SPATC1: variants seen among roughly 807,000 people sequenced by gnomAD.
The protein encoded by SPATC1 is speriolin.
Under a neutral mutation model 36.5 loss-of-function variants are expected in SPATC1, and 35 were observed. The observed-to-expected ratio is 0.96, with a 90% CI of 0.73 to 1.27. The LOEUF (loss-of-function observed/expected upper bound fraction) is 1.27. Among genes scored for constraint, SPATC1 ranks in the 50% most tolerant of loss-of-function variants. The pLI is 0.00. For missense variants in SPATC1, 779 were observed against 796.0 expected (o/e 0.98, Z 0.26); for synonymous variants, 361 against 353.6 (o/e 1.02, Z -0.24).
Position 144,047,093 on chromosome 8 carries a change from G to A in SPATC1, c.*137G>A. On this transcript the variant is annotated 3_prime_UTR_variant, in exon 5 of 5. Transcript: ENST00000377470. The surrounding 1 kb of genome is among the most constrained non-coding windows in gnomAD (Gnocchi z 4.1). ...TGCCTCCTCTGGGGTGGCTCACCGG[G>A]CCCCGGCACCGTGCCCCTTCAGCCC... 2 of 1,056,014 alleles carry A rather than the reference G, an allele frequency of 1.9e-6. No individual in the cohort carries two copies. The highest frequency in any genetic ancestry group is 2.6e-5 in the East Asian group (1 of 38,448). The allele number at this position is 1,056,014 out of a possible 1,614,324, so 65.4% of individuals were successfully genotyped here.
intron 1 of SPATC1, among the ~76,000 whole-genome samples, chr8:144,032,320 C>G (rs1352353504): frequency 2.0e-5 from 3 of 151,974 alleles, no homozygotes; most frequent in African/African-American, 7.3e-5. Flanking sequence ...CTCTGTCACC[C>G]AGGCTGGAGT....
At chr8:144,014,642 T>C (rs1249102960) in intron 1 of SPATC1, among the ~76,000 whole-genome samples, 3 of 152,100 alleles carry the variant, frequency 2.0e-5, no homozygotes, top group African/African-American at 7.2e-5. Context: ...AGGTCAAGCT[T>C]TGAGGCTTAG....
intron 1 of SPATC1, among the ~76,000 whole-genome samples, chr8:144,027,886 G>A (rs966562993): frequency 6.6e-5 from 10 of 151,978 alleles, no homozygotes; most frequent in Admixed American, 1.3e-4. Flanking sequence ...CCAGCTACTC[G>A]GGAGGCTGAG....
At chr8:144,030,779 C>T (rs888210348) in intron 1 of SPATC1, among the ~76,000 whole-genome samples, 339 of 150,186 alleles carry the variant, frequency 2.3e-3, no homozygotes, top group African/African-American at 8.0e-3. Flanking sequence ...CTTTTTTTTT[C>T]CTGTACATTT....
chr8:144,031,171 G>A (rs1014511425), intron 1 of SPATC1, among the ~76,000 whole-genome samples: 8 of 152,092 alleles, frequency 5.3e-5, no homozygotes, highest in Admixed American at 2.6e-4. Flanking sequence ...TCAGCCTAAA[G>A]GACTCCCTTT....
At position 144,044,189 on chromosome 8, in the gene SPATC1, G is replaced by A. The variant is rs782141714; in HGVS notation, c.1447-2438G>A. The stretch of plus-strand genomic sequence containing the variant: ...TACATCAATAATAGAGGTGATGCAT[G>A]CTCTGGGAACAGGGGAGCAGAGAGA... On this transcript the variant is annotated intron_variant, in intron 4 of 4. Transcript: ENST00000377470. Among the ~76,000 whole-genome samples, 136 of 152,256 alleles carry A rather than the reference G, an allele frequency of 8.9e-4. 1 individual carries two copies. Among genetic ancestry groups the A allele is most frequent in the Middle Eastern group, 3.4e-3 (1 of 294 alleles).
intron 1 of SPATC1, among the ~76,000 whole-genome samples, chr8:144,025,961 C>T (rs1337221614): frequency 1.3e-5 from 2 of 152,150 alleles, no homozygotes; most frequent in Admixed American, 6.5e-5. Flanking sequence ...ACAATTCACC[C>T]ATTTAAAGTG....
In SPATC1 at chr8:144,028,685, C is replaced by G. The variant is rs1017574969; in HGVS notation, c.212-11224C>G. 5.9e-3 allele frequency among the ~76,000 whole-genome samples: 898 copies of G among 152,236 alleles called. 9 individuals are homozygous for G. The highest frequency in any genetic ancestry group is 0.021 in the African/African-American group (868 of 41,538). On this transcript the variant is annotated intron_variant, in intron 1 of 4. Coordinates refer to ENST00000377470, the MANE Select transcript of SPATC1 (RefSeq NM_198572.3). ...CTAGAACCAGAAATACCATTTGACC[C>G]AGCAATCCCATTACTGGGTATATAC...
chr8:144,037,654 G>A (rs1463741894), intron 1 of SPATC1, among the ~76,000 whole-genome samples: 2 of 151,940 alleles, frequency 1.3e-5, no homozygotes, highest in African/African-American at 4.8e-5. Context: ...CAAGTACCCA[G>A]GGACACAAAC....
At chr8:144,020,620 AG>A (rs1834497158) in intron 1 of SPATC1, among the ~76,000 whole-genome samples, 1 of 147,572 alleles carries the variant, frequency 6.8e-6, no homozygotes, top group African/African-American at 2.5e-5. Flanking sequence ...CTCTTCCTTC[AG>A]GACCCTCCTC....
chr8:144,012,957 C>T (rs1554752676), intron 1 of SPATC1, among the ~76,000 whole-genome samples: 1 of 152,128 alleles, frequency 6.6e-6, no homozygotes, highest in African/African-American at 2.4e-5. Flanking sequence ...CCACCCACCC[C>T]TGCGGTGACC....
intron 1 of SPATC1, among the ~76,000 whole-genome samples, chr8:144,028,461 A>G (rs1834728836): frequency 6.6e-6 from 1 of 152,240 alleles, no homozygotes; most frequent in Admixed American, 6.5e-5. Context: ...AAAGCTCATC[A>G]TCACTGGTTG....
At chr8:144,013,065 C>T (rs1834312598) in intron 1 of SPATC1, among the ~76,000 whole-genome samples, 1 of 152,136 alleles carries the variant, frequency 6.6e-6, no homozygotes, top group African/African-American at 2.4e-5. Context: ...GAAAGGACAC[C>T]TCTGCTCTTT....
intron 1 of SPATC1, among the ~76,000 whole-genome samples, chr8:144,039,500 G>A (rs1436741719): frequency 2.0e-5 from 3 of 152,194 alleles, no homozygotes; most frequent in Admixed American, 2.0e-4. Flanking sequence ...AGAACAGAGG[G>A]GCCAACTTGG....
chr8:144,011,354 G>C (rs563193593), upstream of SPATC1, among the ~76,000 whole-genome samples: 2 of 152,218 alleles, frequency 1.3e-5, no homozygotes, highest in East Asian at 3.9e-4. This position sits in a 1 kb window ranked among gnomAD's most constrained non-coding sequence, Gnocchi z 4.5. Flanking sequence ...TGAAGCATTA[G>C]AGGAGGGGTG....
At chr8:144,017,994 A>G (rs1033360935) in intron 1 of SPATC1, among the ~76,000 whole-genome samples, 1 of 152,192 alleles carries the variant, frequency 6.6e-6, no homozygotes, top group African/African-American at 2.4e-5. Context: ...AGAGTTACTG[A>G]TAATTCAAGC....
At chr8:144,029,515 C>G (rs896641013) in intron 1 of SPATC1, among the ~76,000 whole-genome samples, 1 of 152,102 alleles carries the variant, frequency 6.6e-6, no homozygotes, top group Non-Finnish European at 1.5e-5. Flanking sequence ...TGCAGTGAGG[C>G]GAGAGCGCAC....
chr8:144,012,346 A>G lies in SPATC1; in HGVS notation c.-170A>G, dbSNP rs1285554263. The stretch of plus-strand genomic sequence containing the variant: ...CATGGAGAGCTGAGGGTGTTAGAGC[A>G]GAGAGGGCAAGGAAGAGGGCACAGC... On this transcript the variant is annotated 5_prime_UTR_variant, in exon 1 of 5. Transcript: ENST00000377470. 6.5e-6 allele frequency: 4 copies of G among 619,174 alleles called. No homozygotes were observed. The highest frequency in any genetic ancestry group is 1.8e-5 in the African/African-American group (1 of 54,198). 38.4% of individuals were successfully genotyped at this position (619,174 alleles called of 1,614,324 possible).
At chr8:144,041,495 G>T in intron 4 of SPATC1, 124 bp downstream of exon 4, 1 of 1,275,340 alleles carries the variant, frequency 7.8e-7, no homozygotes, top group African/African-American at 1.5e-5. Context: ...AGAGGAAGCT[G>T]ACTGCTCAGT....
Sources: gnomAD v4.1 joint callset for allele counts (sites outside exome capture counted in the v4.1 genomes callset) on GRCh38, gnomAD v4.1.1 for gene constraint, Gnocchi (gnomAD v3.1) non-coding constraint, MANE v1.5 for transcripts, NCBI Gene and HGNC (gene_info 2026-07-23, HGNC 2026-07-21) for gene names.